CGNL1: variants seen among roughly 807,000 people sequenced by gnomAD.
CGNL1 encodes cingulin like 1.
In CGNL1, 132 loss-of-function variants were observed where a neutral mutation model predicts 141.2. That is an observed-to-expected ratio of 0.93 (90% CI 0.81 to 1.08). CGNL1 has a LOEUF of 1.08. Among genes scored for constraint, CGNL1 ranks in the 50% least tolerant of loss-of-function variants. The pLI, the probability that CGNL1 is intolerant of heterozygous loss-of-function variation, is 0.00. For synonymous variants in CGNL1, 690 were observed against 622.1 expected, an observed-to-expected ratio of 1.11 and a Z score of -1.63; for missense variants, 1,870 against 1,588.6, an observed-to-expected ratio of 1.18 and a Z score of -3.01.
At chr15:57,404,796 C>T (rs1373131651) in intron 1 of CGNL1, among the ~76,000 whole-genome samples, 2 of 152,130 alleles carry the variant, frequency 1.3e-5, no homozygotes, top group East Asian at 3.8e-4. Context: ...GGGTAGATTC[C>T]TATTAATCAT....
In CGNL1 at chr15:57,477,262, G is replaced by A. The variant is rs138197691; in HGVS notation, c.2403+15370G>A. Reference sequence around the variant, plus strand: ...ATCTGAAAGCATTCAGGGAGACGTGGTGCAGGAGGATGGGAAAATCTTGTT... The same window carrying A: ...ATCTGAAAGCATTCAGGGAGACGTGATGCAGGAGGATGGGAAAATCTTGTT... On this transcript the variant is annotated intron_variant, in intron 8 of 18. Coordinates refer to ENST00000281282, the MANE Select transcript of CGNL1 (RefSeq NM_032866.5). Among the ~76,000 whole-genome samples, 148 of 152,296 alleles carry A rather than the reference G, an allele frequency of 9.7e-4. 1 individual carries two copies. Among genetic ancestry groups the A allele is most frequent in the African/African-American group, 3.3e-3 (138 of 41,562 alleles).
chr15:57,465,286 C>A (rs1004945368), intron 8 of CGNL1, among the ~76,000 whole-genome samples: 3 of 151,132 alleles, frequency 2.0e-5, no homozygotes, highest in African/African-American at 7.3e-5. Flanking sequence ...ATTTTTAAAT[C>A]TGGTAAATAA....
intron 8 of CGNL1, among the ~76,000 whole-genome samples, 164 bp downstream of exon 8, chr15:57,462,056 C>T (rs1244551670): frequency 6.6e-6 from 1 of 152,152 alleles, no homozygotes; most frequent in Non-Finnish European, 1.5e-5. Flanking sequence ...GCTCAATGGT[C>T]CTGCTATTGA....
chr15:57,547,240 T>C (rs1413819963), intron 18 of CGNL1, 115 bp from the exon 19 acceptor site: 2 of 1,178,938 alleles, frequency 1.7e-6, no homozygotes, highest in Non-Finnish European at 2.4e-6. Flanking sequence ...TGTGTTTCTT[T>C]TCTGTGCCAC....
chr15:57,464,569 C>T (rs112893629), intron 8 of CGNL1, among the ~76,000 whole-genome samples: 32 of 152,030 alleles, frequency 2.1e-4, no homozygotes, highest in African/African-American at 7.5e-4. Context: ...CCATGTAGTT[C>T]CTGTTGAATT....
chr15:57,425,205 A>G (rs897653190), intron 1 of CGNL1, among the ~76,000 whole-genome samples: 2 of 152,150 alleles, frequency 1.3e-5, no homozygotes, highest in Non-Finnish European at 2.9e-5. Flanking sequence ...TTTTAACAAA[A>G]TAAGAATAAT....
In CGNL1 at chr15:57,379,978, C is replaced by T. The variant is rs148659876; in HGVS notation, c.-16+3411C>T. The stretch of plus-strand genomic sequence containing the variant: ...TCTCTCCTCATGCACCCTCCTGCAT[C>T]CCTCAAGCCAATATCCTTGGGGGAG... On this transcript the variant is annotated intron_variant, in intron 1 of 18. Transcript: ENST00000281282. Among the ~76,000 whole-genome samples, 733 of 152,288 alleles carry T rather than the reference C, an allele frequency of 4.8e-3. 5 individuals are homozygous for T. Among genetic ancestry groups the T allele is most frequent in the African/African-American group, 0.017 (704 of 41,554 alleles).
chr15:57,398,014 C>T (rs770726799), intron 1 of CGNL1, among the ~76,000 whole-genome samples: 1 of 152,170 alleles, frequency 6.6e-6, no homozygotes, highest in Non-Finnish European at 1.5e-5. Flanking sequence ...AACTCCTGAC[C>T]TCGAGATGCG....
At chr15:57,487,633 A>G (rs1234072208) in intron 8 of CGNL1, among the ~76,000 whole-genome samples, 3 of 152,228 alleles carry the variant, frequency 2.0e-5, no homozygotes, top group Non-Finnish European at 2.9e-5. Flanking sequence ...TGAGGCAGAT[A>G]TTTATACAGA....
intron 1 of CGNL1, among the ~76,000 whole-genome samples, chr15:57,405,329 T>C (rs1479516389): frequency 1.3e-5 from 2 of 152,192 alleles, no homozygotes; most frequent in Non-Finnish European, 2.9e-5. Context: ...CTGCTTTCTA[T>C]CTCACACTCT....
intron 1 of CGNL1, among the ~76,000 whole-genome samples, chr15:57,432,482 T>C (rs577656330): frequency 6.6e-6 from 1 of 152,368 alleles, no homozygotes; most frequent in East Asian, 1.9e-4. Flanking sequence ...TTATCATCAT[T>C]TAGCAGTCTT....
chr15:57,429,040 A>AT (rs1310608317), intron 1 of CGNL1, among the ~76,000 whole-genome samples: 2 of 148,748 alleles, frequency 1.3e-5, no homozygotes, highest in African/African-American at 2.5e-5. Flanking sequence ...AACAGCAATA[A>AT]AAAAAAAAAA....
At chr15:57,545,209 G>C (rs570473987) in intron 16 of CGNL1, among the ~76,000 whole-genome samples, 1 of 152,306 alleles carries the variant, frequency 6.6e-6, no homozygotes, top group East Asian at 1.9e-4. Context: ...GTGGTGTGCC[G>C]GCATTTGACA....
intron 3 of CGNL1, among the ~76,000 whole-genome samples, chr15:57,441,123 T>C (rs1015019352): frequency 6.6e-6 from 1 of 151,974 alleles, no homozygotes; most frequent in Non-Finnish European, 1.5e-5. Flanking sequence ...AACCAGCCAC[T>C]TGGCAAATCC....
intron 1 of CGNL1, among the ~76,000 whole-genome samples, chr15:57,392,139 C>T (rs745698550): frequency 1.3e-5 from 2 of 152,146 alleles, no homozygotes; most frequent in Non-Finnish European, 2.9e-5. Flanking sequence ...TTTTCCATTT[C>T]ATGCCCTTCT....
Position 57,524,844 on chromosome 15 carries a change from G to A in CGNL1, c.3039+93G>A, listed in dbSNP as rs146413497. 6.5e-4 allele frequency: 833 copies of A among 1,285,816 alleles called. 3 individuals are homozygous for A. In the African/African-American group the frequency reaches 0.011, roughly 17 times the overall value. The allele number at this position is 1,285,816 out of a possible 1,614,324, so 79.7% of individuals were successfully genotyped here. A position where few individuals can be genotyped will look rare whatever the true frequency, so the allele number is the denominator to read the frequency against. The stretch of plus-strand genomic sequence containing the variant: ...CTGTGAGGGACTTGGGGGTAGATTC[G>A]TGAGACAGCTTTGGTGCTTGACTCT... On this transcript the variant is annotated intron_variant, in intron 12 of 18. Transcript: ENST00000281282.
intron 8 of CGNL1, among the ~76,000 whole-genome samples, chr15:57,504,206 T>G (rs1471983361): frequency 6.6e-6 from 1 of 152,220 alleles, no homozygotes; most frequent in Admixed American, 6.5e-5. Context: ...CTATGTACTT[T>G]ACACACATTA....
At chr15:57,545,570 G>T (rs771750926) in intron 16 of CGNL1, 22 bp from the exon 17 acceptor site, 2 of 1,602,634 alleles carry the variant, frequency 1.2e-6, no homozygotes, top group Non-Finnish European at 8.5e-7. Context: ...GAGGGTTCTT[G>T]GTTCTGTCTC....
intron 1 of CGNL1, among the ~76,000 whole-genome samples, chr15:57,408,577 GC>G (rs2062749592): frequency 6.6e-6 from 1 of 151,948 alleles, no homozygotes; most frequent in Admixed American, 6.6e-5. Flanking sequence ...TCCCTTTGTT[GC>G]CCAGGCTGGT....
Sources: gnomAD v4.1 joint callset for allele counts (sites outside exome capture counted in the v4.1 genomes callset) on GRCh38, gnomAD v4.1.1 for gene constraint, MANE v1.5 for transcripts, NCBI Gene and HGNC (gene_info 2026-07-23, HGNC 2026-07-21) for gene names.